ACSL4: variants seen among roughly 807,000 people sequenced by gnomAD.
The protein encoded by ACSL4 is long-chain-fatty-acid--CoA ligase 4.
ACSL4 carries 9 observed loss-of-function variants against 49.1 expected under a neutral mutation model. That is an observed-to-expected ratio of 0.18 (90% CI 0.11 to 0.32). The LOEUF (loss-of-function observed/expected upper bound fraction) is 0.32. Among genes scored for constraint, ACSL4 ranks in the 10% least tolerant of loss-of-function variants. The pLI, the probability that ACSL4 is intolerant of heterozygous loss-of-function variation, is 1.00. For synonymous variants in ACSL4, 191 were observed against 170.3 expected (o/e 1.12, Z -0.95); for missense variants, 333 against 493.7 (o/e 0.67, Z 3.08).
At chrX:109,723,328 A>C (rs1016117996) in intron 1 of ACSL4, among the ~76,000 whole-genome samples, 1 of 111,947 alleles carries the variant, frequency 8.9e-6, no homozygotes. Flanking sequence ...AGAAAAAGTA[A>C]AACTATACTG....
intron 1 of ACSL4, among the ~76,000 whole-genome samples, chrX:109,706,378 T>C (rs777313490): frequency 8.9e-6 from 1 of 112,349 alleles, no homozygotes; most frequent in South Asian, 3.6e-4. Flanking sequence ...AGATAAAAGA[T>C]GAATGTGAGA....
intron 1 of ACSL4, among the ~76,000 whole-genome samples, chrX:109,706,907 C>T (rs983714669): frequency 2.7e-5 from 3 of 112,017 alleles, no homozygotes; most frequent in Non-Finnish European, 3.8e-5. Context: ...TCAAGACTTC[C>T]CACAAAATTT....
chrX:109,715,475 CA>C (rs1311613356), intron 1 of ACSL4, among the ~76,000 whole-genome samples: 1 of 109,479 alleles, frequency 9.1e-6, no homozygotes. Flanking sequence ...CCTGTCTCTA[CA>C]AAAAAATACA....
chrX:109,725,515 C>G (rs1447502841), intron 1 of ACSL4, among the ~76,000 whole-genome samples: 1 of 111,376 alleles, frequency 9.0e-6, no homozygotes, highest in African/African-American at 3.3e-5. Flanking sequence ...ATAACCCCAG[C>G]ACTCTGGGAG....
intron 2 of ACSL4, among the ~76,000 whole-genome samples, chrX:109,688,067 T>A (rs1041264518): frequency 1.8e-5 from 2 of 112,120 alleles, no homozygotes; most frequent in African/African-American, 6.5e-5. Context: ...ACCGCACTAG[T>A]CCACTCACTG....
intron 1 of ACSL4, among the ~76,000 whole-genome samples, chrX:109,707,603 G>A (rs912575750): frequency 6.4e-5 from 7 of 110,187 alleles, no homozygotes; most frequent in African/African-American, 1.3e-4. Context: ...GACCAGTACC[G>A]GTCCATGGTC....
intron 2 of ACSL4, among the ~76,000 whole-genome samples, chrX:109,693,796 C>T (rs1925219639): frequency 8.9e-6 from 1 of 112,017 alleles, no homozygotes; most frequent in Admixed American, 9.5e-5. Context: ...ATCTCCTGAA[C>T]ACAACTGGCC....
chrX:109,664,856 A>G (rs1293620477), intron 12 of ACSL4, among the ~76,000 whole-genome samples: 1 of 112,133 alleles, frequency 8.9e-6, no homozygotes, highest in Non-Finnish European at 1.9e-5. Context: ...TATATTTAGT[A>G]TCTTTCATTA....
At position 109,661,551 on chromosome X, in the gene ACSL4, G is replaced by A; in HGVS notation, c.1677C>T (p.Asn559=). 3 of 1,207,892 alleles carry A rather than the reference G, an allele frequency of 2.5e-6. No individual in the cohort carries two copies. Among genetic ancestry groups the A allele is most frequent in the East Asian group, 3.0e-5 (1 of 33,718 alleles). ...AALKNCPLID[N]ICAFAKSDQS... is the part of the protein sequence containing the mutation. ...GTTACCTTTTGGCAAAAGCACAGAT[G>A]TTGTCAATAAGTGGACAATTCTTCA... Residue 559 remains asparagine, a synonymous_variant, in exon 14 of 16, where the codon AAC becomes AAT. Transcript: ENST00000672401.
At chrX:109,673,379 AATT>A (rs1242414120) in intron 9 of ACSL4, among the ~76,000 whole-genome samples, 1 of 111,931 alleles carries the variant, frequency 8.9e-6, no homozygotes, top group Non-Finnish European at 1.9e-5. Context: ...GCAGTCTTAG[AATT>A]AAGTGAGATA....
At chrX:109,683,714 C>CA (rs1206941344) in intron 2 of ACSL4, 2 of 334,092 alleles carry the variant, frequency 6.0e-6, no homozygotes, top group Non-Finnish European at 1.0e-5. Flanking sequence ...AAAATAAAAA[C>CA]AAAAAACAAA....
chrX:109,708,699 C>T (rs979002194), intron 1 of ACSL4, among the ~76,000 whole-genome samples: 2 of 112,002 alleles, frequency 1.8e-5, no homozygotes, highest in African/African-American at 6.5e-5. Flanking sequence ...AGCTGAGTCT[C>T]CCTAATCTGA....
chrX:109,702,877 C>T (rs1244090769), intron 1 of ACSL4, among the ~76,000 whole-genome samples: 2 of 110,032 alleles, frequency 1.8e-5, no homozygotes, highest in Non-Finnish European at 3.8e-5. Context: ...TATAAATGAA[C>T]AATCAAATAA....
chrX:109,732,131 T>G (rs1928505791), intron 1 of ACSL4, among the ~76,000 whole-genome samples: 1 of 112,376 alleles, frequency 8.9e-6, no homozygotes, highest in African/African-American at 3.2e-5. Flanking sequence ...GAAGCGCTGA[T>G]GAGACCATTA....
intron 1 of ACSL4, among the ~76,000 whole-genome samples, chrX:109,709,835 G>A (rs377493891): frequency 7.8e-4 from 87 of 112,001 alleles, no homozygotes; most frequent in East Asian, 2.5e-3. Context: ...GGCCGGGTGC[G>A]GTGGCTCACG....
chrX:109,733,109 G>T (rs1379563291), intron 1 of ACSL4, 30 bp downstream of exon 1: 5 of 327,932 alleles, frequency 1.5e-5, no homozygotes, highest in Admixed American at 3.1e-5. Flanking sequence ...GGGTGCCGGG[G>T]CCGCAACCTC....
At chrX:109,649,335 T>A (rs1229727335) in intron 15 of ACSL4, among the ~76,000 whole-genome samples, 1 of 110,895 alleles carries the variant, frequency 9.0e-6, no homozygotes, top group Non-Finnish European at 1.9e-5. Flanking sequence ...GAGATACAGA[T>A]CAATGGAACA....
At chrX:109,659,611 T>C in intron 14 of ACSL4, 100 bp from the exon 15 acceptor site, 1 of 534,639 alleles carries the variant, frequency 1.9e-6, no homozygotes, top group South Asian at 3.1e-5. Flanking sequence ...CAAATATATA[T>C]TTCTCTTATT....
intron 1 of ACSL4, among the ~76,000 whole-genome samples, chrX:109,731,706 C>G (rs1048386359): frequency 1.8e-5 from 2 of 111,174 alleles, no homozygotes; most frequent in Non-Finnish European, 3.8e-5. Context: ...TTCTAAGGTA[C>G]AAGTATACTA....
Sources: allele counts gnomAD v4.1 joint callset (sites outside exome capture counted in the v4.1 genomes callset), GRCh38; gene constraint gnomAD v4.1.1; transcripts MANE v1.5; gene names NCBI Gene and HGNC (gene_info 2026-07-23, HGNC 2026-07-21).